SLC26A9: variants seen among roughly 807,000 people sequenced by gnomAD.
The protein encoded by SLC26A9 is anion transporter/exchanger protein 9.
SLC26A9 carries 46 observed loss-of-function variants against 87.1 expected under a neutral mutation model. The observed-to-expected ratio is 0.53, with a 90% CI of 0.42 to 0.67. The LOEUF (loss-of-function observed/expected upper bound fraction) is 0.67, where lower values mean the gene tolerates loss of function less well. SLC26A9 is among the 30% of genes least tolerant of loss of function. The pLI is 0.00. For synonymous variants in SLC26A9, 437 were observed against 409.1 expected, an observed-to-expected ratio of 1.07 and a Z score of -0.82; for missense variants, 927 against 1,018.3, an observed-to-expected ratio of 0.91 and a Z score of 1.22.
At position 205,928,916 on chromosome 1, in the gene SLC26A9, AC is replaced by A; in HGVS notation, c.871-8del. On this transcript the variant is annotated splice_region_variant and splice_polypyrimidine_tract_variant and intron_variant, in intron 7 of 20. Coordinates refer to ENST00000367135, the MANE Select transcript of SLC26A9 (RefSeq NM_052934.4). Reference sequence around the variant, plus strand: ...TAGCTGTTGCCACCACCACCTGCAAACCCCAGAGTGGAGAATGGGGATTGGC... The same window carrying A: ...TAGCTGTTGCCACCACCACCTGCAAACCCAGAGTGGAGAATGGGGATTGGC... 6.2e-7 allele frequency: 1 copy of A among 1,613,924 alleles called. No individual in the cohort carries two copies. Among genetic ancestry groups the A allele is most frequent in the East Asian group, 2.2e-5 (1 of 44,868 alleles).
intron 1 of SLC26A9, among the ~76,000 whole-genome samples, chr1:205,942,912 C>A (rs1245511756): frequency 1.3e-5 from 2 of 152,140 alleles, no homozygotes; most frequent in African/African-American, 4.8e-5. Context: ...GATGTCTGGG[C>A]GGTAGAAGGA....
intron 1 of SLC26A9, among the ~76,000 whole-genome samples, chr1:205,937,093 T>G (rs9438406): frequency 0.13 from 19,192 of 152,172 alleles, 2,047 homozygotes; most frequent in East Asian, 0.64. Flanking sequence ...TAAAGTGTGA[T>G]GCAAATGTGA....
At chr1:205,941,548 C>T (rs1180584288) in intron 1 of SLC26A9, among the ~76,000 whole-genome samples, 1 of 152,110 alleles carries the variant, frequency 6.6e-6, no homozygotes, top group Non-Finnish European at 1.5e-5. Flanking sequence ...TACTCCTCAC[C>T]CCAGCCTAAT....
rs569076002 is a variant in SLC26A9 at position 205,924,435 on chromosome 1, C to A, written c.1444G>T (p.Val482Leu). The change falls in exon 13 of 21, where the codon GTG becomes TTG. Residue 482 changes from valine to leucine, a missense_variant. Transcript: ENST00000367135. ...SSFFLSLPYGVAVGVAFSVLV... is the reference protein window; with the variant it reads ...SSFFLSLPYGLAVGVAFSVLV... ...ACGGAGAAGGCGACACCCACTGCCA[C>A]ACCATAGGGCAGGCTGAGGAAGAAG... is the stretch of plus-strand genomic sequence containing the variant. 1.2e-6 allele frequency: 2 copies of A among 1,614,214 alleles called. No individual in the cohort carries two copies. Among genetic ancestry groups the A allele is most frequent in the African/African-American group, 2.7e-5 (2 of 75,052 alleles).
At chr1:205,921,133 C>G (rs1658808654) in intron 17 of SLC26A9, among the ~76,000 whole-genome samples, 1 of 152,242 alleles carries the variant, frequency 6.6e-6, no homozygotes, top group South Asian at 2.1e-4. Flanking sequence ...CCCGTGGGCT[C>G]TCTGTTTGGC....
Position 205,933,140 on chromosome 1 carries a change from G to A in SLC26A9, c.126-56C>T, listed in dbSNP as rs955030894. The A allele has an allele frequency of 4.5e-5, 72 of 1,606,888 alleles. No individual in the cohort carries two copies. The African/African-American group carries it at 8.0e-4, about 18-fold the overall frequency. ...GCTCTGCATGGCTTGGACATTCCGT[G>A]TTGGAGAGGGATTATCATATCCTGC... On this transcript the variant is annotated intron_variant, in intron 2 of 20. Transcript: ENST00000367135.
At chr1:205,936,259 G>C (rs7520136) in intron 1 of SLC26A9, among the ~76,000 whole-genome samples, 19,349 of 152,190 alleles carry the variant, frequency 0.13, 2,051 homozygotes, top group East Asian at 0.64. Flanking sequence ...TGGCAGAAAG[G>C]CTCCTACCAT....
chr1:205,938,689 T>C (rs1376061409), intron 1 of SLC26A9, among the ~76,000 whole-genome samples: 1 of 152,148 alleles, frequency 6.6e-6, no homozygotes, highest in Non-Finnish European at 1.5e-5. Context: ...TTAAGACCTG[T>C]TGAAGTTCCT....
At position 205,931,999 on chromosome 1, in the gene SLC26A9, A is replaced by G. The variant is rs1430228700; in HGVS notation, c.413T>C (p.Ile138Thr). Reference sequence around the variant, plus strand: ...CGACTCTGGGGCCAGCTGCAGACAGATGTTACCCACCAGGATGCTGATAAC... The same window carrying G: ...CGACTCTGGGGCCAGCTGCAGACAGGTGTTACCCACCAGGATGCTGATAAC... ...FAVISILVGN[I>T]CLQLAPESKF... is the part of the protein sequence containing the mutation. The change falls in exon 5 of 21, where the codon ATC becomes ACC. Residue 138 changes from isoleucine to threonine, a missense_variant. Coordinates refer to ENST00000367135, the MANE Select transcript of SLC26A9 (RefSeq NM_052934.4). The G allele has an allele frequency of 6.2e-7, 1 of 1,614,098 alleles. No homozygotes were observed. The highest frequency in any genetic ancestry group is 1.3e-5 in the African/African-American group (1 of 74,942).
At chr1:205,932,441 G>A (rs775896522) in intron 4 of SLC26A9, among the ~76,000 whole-genome samples, 1 of 152,190 alleles carries the variant, frequency 6.6e-6, no homozygotes, top group Non-Finnish European at 1.5e-5. Context: ...ATAGCATATG[G>A]TATATCTTGT....
rs201757545 is a variant in SLC26A9, at chr1:205,914,875, C to T, written c.*482G>A. The stretch of plus-strand genomic sequence containing the variant: ...GCAGCTGGGGAAGGCAAGCCAGAGT[C>T]CTAACCAAGTTTATCCCTATGTCCG... On this transcript the variant is annotated 3_prime_UTR_variant, in exon 21 of 21. Coordinates refer to ENST00000367135, the MANE Select transcript of SLC26A9 (RefSeq NM_052934.4). 31 of 1,596,208 alleles carry T rather than the reference C, an allele frequency of 1.9e-5. No individual in the cohort carries two copies. The highest frequency in any genetic ancestry group is 3.4e-6 in the Non-Finnish European group (4 of 1,170,380).
intron 16 of SLC26A9, among the ~76,000 whole-genome samples, chr1:205,922,559 C>T (rs1051883650): frequency 6.6e-6 from 1 of 152,202 alleles, no homozygotes; most frequent in African/African-American, 2.4e-5. Context: ...GGAGAAGGGC[C>T]TTGGGGGTTC....
rs1267280380 is a variant in SLC26A9, at chr1:205,935,853, G to A, written c.-18-15C>T. The A allele has an allele frequency of 6.2e-7, 1 of 1,606,278 alleles. No individual in the cohort carries two copies. Among genetic ancestry groups the A allele is most frequent in the East Asian group, 2.2e-5 (1 of 44,678 alleles). On this transcript the variant is annotated splice_polypyrimidine_tract_variant and intron_variant, in intron 1 of 20. Coordinates refer to ENST00000367135, the MANE Select transcript of SLC26A9 (RefSeq NM_052934.4). Reference sequence around the variant, plus strand: ...GCATTTACAAGCTTTGGGAGAAGCAGAGGAGGGGAGGGTGAGGGAACATCC... The same window carrying A: ...GCATTTACAAGCTTTGGGAGAAGCAAAGGAGGGGAGGGTGAGGGAACATCC...
chr1:205,933,372 C>T (rs955706858), intron 2 of SLC26A9, among the ~76,000 whole-genome samples: 1 of 152,176 alleles, frequency 6.6e-6, no homozygotes, highest in Non-Finnish European at 1.5e-5. Flanking sequence ...TCGGAGGTAT[C>T]AGATCCATCC....
At position 205,923,386 on chromosome 1, in the gene SLC26A9, G is replaced by C. The variant is rs375038065; in HGVS notation, c.1608C>G (p.Ser536=). The part of the protein sequence containing the change: ...IQGIKIITYC[S]PLYFANSEIF... ...TCTCTGAGTTGGCAAAGTAGAGAGG[G>C]GAGCAGTACGTGATGATTTTAATCC... The change falls in exon 15 of 21, where the codon TCC becomes TCG. Residue 536 remains serine (S), a synonymous_variant. Transcript: ENST00000367135. 34 of 1,614,102 alleles carry C rather than the reference G, an allele frequency of 2.1e-5. No homozygotes were observed. Among genetic ancestry groups the C allele is most frequent in the Non-Finnish European group, 2.6e-5 (31 of 1,180,048 alleles).
intron 2 of SLC26A9, 121 bp from the exon 3 acceptor site, chr1:205,933,205 T>C: frequency 7.1e-7 from 1 of 1,398,620 alleles, no homozygotes; most frequent in Non-Finnish European, 9.8e-7. Context: ...CACTGAACTG[T>C]GTGCCAGGGA....
chr1:205,916,875 C>A (rs1421269540), intron 20 of SLC26A9, among the ~76,000 whole-genome samples: 1 of 152,032 alleles, frequency 6.6e-6, no homozygotes, highest in Non-Finnish European at 1.5e-5. Flanking sequence ...CCGAGGCAGG[C>A]AGATTGCTTG....
At chr1:205,938,465 G>T (rs1659608522) in intron 1 of SLC26A9, among the ~76,000 whole-genome samples, 1 of 152,082 alleles carries the variant, frequency 6.6e-6, no homozygotes, top group African/African-American at 2.4e-5. Flanking sequence ...CTCATTTCCA[G>T]GAGGATGAGG....
At chr1:205,932,874 A>T (rs1374803786) in intron 3 of SLC26A9, 62 bp from the exon 4 acceptor site, 2 of 1,603,118 alleles carry the variant, frequency 1.2e-6, no homozygotes, top group African/African-American at 2.7e-5. Flanking sequence ...TCACAGAGGG[A>T]TGGAGTGGGG....
Sources: gnomAD v4.1 joint callset for allele counts (sites outside exome capture counted in the v4.1 genomes callset) on GRCh38, gnomAD v4.1.1 for gene constraint, MANE v1.5 for transcripts, NCBI Gene and HGNC (gene_info 2026-07-23, HGNC 2026-07-21) for gene names.